RSU1: variants seen among roughly 807,000 people sequenced by gnomAD.
The protein encoded by RSU1 is Ras suppressor protein 1.
RSU1 carries 26 observed loss-of-function variants against 31.1 expected under a neutral mutation model. The ratio of observed to expected loss-of-function variants is 0.84; its 90% confidence interval spans 0.61 to 1.16. The LOEUF (loss-of-function observed/expected upper bound fraction) is 1.16, where lower values mean the gene tolerates loss of function less well. Ranked by LOEUF, RSU1 falls within the 50% of genes most tolerant of loss-of-function variation. RSU1 has a pLI of 0.00. For missense variants in RSU1, 320 were observed against 339.1 expected (o/e 0.94, Z 0.44); for synonymous variants, 164 against 136.3 (o/e 1.20, Z -1.41).
intron 8 of RSU1, among the ~76,000 whole-genome samples, chr10:16,646,203 T>C (rs1340165837): frequency 6.6e-6 from 1 of 151,594 alleles, no homozygotes; most frequent in Non-Finnish European, 1.5e-5. Context: ...TTTTGTGATA[T>C]CCCACCCCTT....
chr10:16,699,542 C>T (rs550715935), intron 7 of RSU1, among the ~76,000 whole-genome samples: 4 of 152,350 alleles, frequency 2.6e-5, no homozygotes, highest in Non-Finnish European at 5.9e-5. Context: ...GTCAGTCAGC[C>T]TGCAATCGCT....
At chr10:16,664,679 C>G (rs1588702068) in intron 8 of RSU1, among the ~76,000 whole-genome samples, 1 of 152,276 alleles carries the variant, frequency 6.6e-6, no homozygotes, top group Non-Finnish European at 1.5e-5. Flanking sequence ...ACTAGATTAT[C>G]TGAGACTTCT....
chr10:16,616,701 G>T (rs1388215224), intron 8 of RSU1, among the ~76,000 whole-genome samples: 2 of 152,208 alleles, frequency 1.3e-5, no homozygotes, highest in African/African-American at 4.8e-5. Context: ...GGGATGCAAG[G>T]CTGGTTCAGC....
intron 2 of RSU1, among the ~76,000 whole-genome samples, chr10:16,800,398 T>C (rs576050862): frequency 8.4e-4 from 128 of 152,102 alleles, no homozygotes; most frequent in African/African-American, 3.0e-3. Context: ...CCTGAGAGAA[T>C]TGAAAGGAAA....
At chr10:16,643,806 T>G (rs1834487560) in intron 8 of RSU1, among the ~76,000 whole-genome samples, 1 of 152,080 alleles carries the variant, frequency 6.6e-6, no homozygotes, top group Non-Finnish European at 1.5e-5. Context: ...CAGCCCTTCA[T>G]GTCTGCAAGC....
At position 16,804,521 on chromosome 10, in the gene RSU1, T is replaced by C. The variant is rs973512961; in HGVS notation, c.109+12452A>G. Among the ~76,000 whole-genome samples the C allele has an allele frequency of 2.2e-4, 34 of 152,216 alleles. 1 individual carries two copies. Among genetic ancestry groups the C allele is most frequent in the Admixed American group, 2.0e-3 (31 of 15,282 alleles). ...TATACAAAAATCTGCACAACAATGT[T>C]TACACCAGCTTTATTCATAATTGTC... On this transcript the variant is annotated intron_variant, in intron 2 of 8. Coordinates refer to ENST00000345264, the MANE Select transcript of RSU1 (RefSeq NM_012425.4).
At chr10:16,714,875 T>C (rs1318447878) in intron 7 of RSU1, among the ~76,000 whole-genome samples, 3 of 152,184 alleles carry the variant, frequency 2.0e-5, no homozygotes, top group Non-Finnish European at 2.9e-5. Context: ...ATTGCATCTG[T>C]GTGAGCTCCC....
chr10:16,657,589 G>A (rs1217641448), intron 8 of RSU1, among the ~76,000 whole-genome samples: 3 of 149,342 alleles, frequency 2.0e-5, no homozygotes, highest in Non-Finnish European at 4.4e-5. Flanking sequence ...ATCTGTGTTT[G>A]TTTGCATAGA....
intron 2 of RSU1, among the ~76,000 whole-genome samples, chr10:16,805,805 T>C (rs1195401189): frequency 6.6e-6 from 1 of 152,100 alleles, no homozygotes; most frequent in East Asian, 1.9e-4. Flanking sequence ...AATCTGAGAC[T>C]GTGAGATATT....
intron 8 of RSU1, among the ~76,000 whole-genome samples, chr10:16,632,288 A>T (rs1183982383): frequency 6.6e-6 from 1 of 152,230 alleles, no homozygotes; most frequent in Non-Finnish European, 1.5e-5. Context: ...CATAAACTAC[A>T]GCAAAGAAAT....
At chr10:16,615,565 A>G (rs1428434158) in intron 8 of RSU1, among the ~76,000 whole-genome samples, 1 of 146,578 alleles carries the variant, frequency 6.8e-6, no homozygotes, top group East Asian at 1.9e-4. Flanking sequence ...CTTCACTCCA[A>G]ATCAACAGAA....
chr10:16,713,602 C>T (rs1836067034), intron 7 of RSU1, among the ~76,000 whole-genome samples: 1 of 152,166 alleles, frequency 6.6e-6, no homozygotes, highest in Non-Finnish European at 1.5e-5. Context: ...TTTTCCTGAT[C>T]TCACTGAATT....
intron 7 of RSU1, among the ~76,000 whole-genome samples, chr10:16,702,004 G>A (rs1180043173): frequency 2.6e-5 from 4 of 152,192 alleles, no homozygotes; most frequent in African/African-American, 9.7e-5. Flanking sequence ...AATGTGGGAG[G>A]CAATCTTGTT....
At chr10:16,629,775 T>A (rs1834216996) in intron 8 of RSU1, among the ~76,000 whole-genome samples, 3 of 152,068 alleles carry the variant, frequency 2.0e-5, no homozygotes, top group Admixed American at 1.3e-4. Flanking sequence ...GTATTTAGAG[T>A]GGTTCACGTG....
chr10:16,803,737 T>C (rs1412357034), intron 2 of RSU1, among the ~76,000 whole-genome samples: 1 of 151,752 alleles, frequency 6.6e-6, no homozygotes, highest in South Asian at 2.1e-4. Context: ...AGAAAAGGAG[T>C]CTTTTCAACA....
At chr10:16,613,071 TC>T (rs915801854) in intron 8 of RSU1, among the ~76,000 whole-genome samples, 2 of 152,108 alleles carry the variant, frequency 1.3e-5, no homozygotes, top group African/African-American at 4.8e-5. Flanking sequence ...GAATAATGTT[TC>T]CAAAATCATC....
At chr10:16,720,150 T>C (rs1836224607) in intron 7 of RSU1, among the ~76,000 whole-genome samples, 1 of 152,216 alleles carries the variant, frequency 6.6e-6, no homozygotes, top group African/African-American at 2.4e-5. Flanking sequence ...CTTTCCTTTT[T>C]CCCCGTCTCT....
chr10:16,629,187 G>C (rs560212564), intron 8 of RSU1, among the ~76,000 whole-genome samples: 27 of 152,196 alleles, frequency 1.8e-4, no homozygotes, highest in Non-Finnish European at 3.5e-4. Flanking sequence ...TGCAGATTCT[G>C]ATGCGGTGGG....
At chr10:16,683,610 C>G (rs543838453) in intron 8 of RSU1, among the ~76,000 whole-genome samples, 3 of 152,168 alleles carry the variant, frequency 2.0e-5, no homozygotes, top group Admixed American at 6.5e-5. Flanking sequence ...TTGTTGAAGT[C>G]CTAACCTCCT....
Sources: allele counts gnomAD v4.1 joint callset (sites outside exome capture counted in the v4.1 genomes callset), GRCh38; gene constraint gnomAD v4.1.1; transcripts MANE v1.5; gene names NCBI Gene and HGNC (gene_info 2026-07-23, HGNC 2026-07-21).